VPS36: variants seen among roughly 807,000 people sequenced by gnomAD.
VPS36 encodes the protein vacuolar protein sorting 36 homolog, also known as vacuolar protein-sorting-associated protein 36.
VPS36 carries 31 observed loss-of-function variants against 63.5 expected under a neutral mutation model. The ratio of observed to expected loss-of-function variants is 0.49; its 90% CI spans 0.37 to 0.66. The LOEUF is 0.66. VPS36 is among the 30% of genes least tolerant of loss of function. The probability of loss-of-function intolerance (pLI) is 0.00; values close to 1 mark genes in which losing one functional copy is unlikely to be tolerated. For missense variants in VPS36, 338 were observed against 463.7 expected, an observed-to-expected ratio of 0.73 and a Z score of 2.49; for synonymous variants, 138 against 157.2, an observed-to-expected ratio of 0.88 and a Z score of 0.91.
chr13:52,443,885 CAAG>C (rs1958306801), intron 1 of VPS36, among the ~76,000 whole-genome samples: 1 of 152,042 alleles, frequency 6.6e-6, no homozygotes, highest in African/African-American at 2.4e-5. Context: ...CTGTTAAAAG[CAAG>C]ATATATATTG....
chr13:52,442,194 G>A (rs1958286998), intron 2 of VPS36, among the ~76,000 whole-genome samples, 183 bp downstream of exon 2: 1 of 152,178 alleles, frequency 6.6e-6, no homozygotes, highest in Admixed American at 6.5e-5. Flanking sequence ...AAAAGCTCCA[G>A]TTGATTTAAA....
intron 3 of VPS36, among the ~76,000 whole-genome samples, chr13:52,437,862 G>A (rs900398910): frequency 4.6e-5 from 7 of 151,902 alleles, no homozygotes; most frequent in African/African-American, 1.2e-4. Context: ...CCTGGGAGGC[G>A]GAGCTTGCAG....
chr13:52,428,865 A>T lies in VPS36; in HGVS notation c.529-1646T>A, dbSNP rs59071157. On this transcript the variant is annotated intron_variant, in intron 6 of 13. Transcript: ENST00000378060. The stretch of plus-strand genomic sequence containing the variant: ...CTGAGAGTCCACAAAGAATATGTAA[A>T]TAAGTCCTGTAAACTTATACATAGG... Among the ~76,000 whole-genome samples, 21 of 152,296 alleles carry T rather than the reference A, an allele frequency of 1.4e-4. No homozygotes were observed. In the East Asian group the frequency reaches 4.0e-3, roughly 29 times the overall value.
chr13:52,445,272 A>T (rs923170208), intron 1 of VPS36, among the ~76,000 whole-genome samples: 1 of 152,236 alleles, frequency 6.6e-6, no homozygotes, highest in Admixed American at 6.5e-5. Flanking sequence ...TAAGTTTACA[A>T]TATTTTTTAA....
At chr13:52,424,349 A>G (rs1226363487) in intron 9 of VPS36, among the ~76,000 whole-genome samples, 5 of 152,220 alleles carry the variant, frequency 3.3e-5, no homozygotes, top group Non-Finnish European at 7.3e-5. Flanking sequence ...GGCTGTTAAC[A>G]TCACAAAAAA....
chr13:52,443,678 G>A (rs1052619406), intron 1 of VPS36, among the ~76,000 whole-genome samples: 1 of 152,164 alleles, frequency 6.6e-6, no homozygotes, highest in African/African-American at 2.4e-5. Context: ...CATACTCTTT[G>A]AGTATGTATC....
At chr13:52,417,504 G>A (rs1958005048) in intron 11 of VPS36, among the ~76,000 whole-genome samples, 1 of 152,136 alleles carries the variant, frequency 6.6e-6, no homozygotes, top group Admixed American at 6.5e-5. Context: ...GGGATTACAG[G>A]CATGTGCCAC....
At chr13:52,428,804 G>C (rs1436982275) in intron 6 of VPS36, among the ~76,000 whole-genome samples, 1 of 152,000 alleles carries the variant, frequency 6.6e-6, no homozygotes, top group Non-Finnish European at 1.5e-5. Flanking sequence ...GTAAATCACT[G>C]TATTTATTAT....
At chr13:52,436,466 TTTTATAA>T in intron 3 of VPS36, 62 bp from the exon 4 acceptor site, 1 of 1,085,398 alleles carries the variant, frequency 9.2e-7, no homozygotes, top group Non-Finnish European at 1.4e-6. Flanking sequence ...CTAATTCTAC[TTTTATAA>T]CTTTTTATGT....
chr13:52,423,453 T>A (rs112874365), intron 10 of VPS36, 121 bp downstream of exon 10: 2 of 765,852 alleles, frequency 2.6e-6, no homozygotes, highest in African/African-American at 3.5e-5. Context: ...ATTCTTTCAC[T>A]GTACCACAGT....
At position 52,434,963 on chromosome 13, in the gene VPS36, CTTTTTTTCTT is replaced by C. The variant is rs199511193; in HGVS notation, c.352-91_352-82del. 1.4e-3 allele frequency: 1,500 copies of C among 1,050,640 alleles called. 11 individuals carry two copies. The African/African-American group carries it at 0.023, about 16-fold the overall frequency. The allele number at this position is 1,050,640 out of a possible 1,614,324, so 65.1% of individuals were successfully genotyped here. A position where few individuals can be genotyped will look rare whatever the true frequency, so the allele number is the denominator to read the frequency against. ...ATAAATCATTACTTAACATTTCTTT[CTTTTTTTCTT>C]TTTTTTTTTTTTTTTGAGGTGGAGT... is the stretch of plus-strand genomic sequence containing the variant. On this transcript the variant is annotated intron_variant, in intron 4 of 13. Coordinates refer to ENST00000378060, the MANE Select transcript of VPS36 (RefSeq NM_016075.4).
At position 52,413,632 on chromosome 13, in the gene VPS36, T is replaced by C. The variant is rs544671911; in HGVS notation, c.*2198A>G. 3.9e-5 allele frequency: 6 copies of C among 152,558 alleles called. No individual in the cohort carries two copies. Among genetic ancestry groups the C allele is most frequent in the African/African-American group, 1.4e-4 (6 of 41,560 alleles). The allele number at this position is 152,558 out of a possible 1,614,324, so 9.5% of individuals were successfully genotyped here. ...TTTTGACAGTAAATGACCAGAAATA[T>C]TGCATTACCATAAAGCTACAAAGAG... On this transcript the variant is annotated 3_prime_UTR_variant, in exon 14 of 14. Coordinates refer to ENST00000378060, the MANE Select transcript of VPS36 (RefSeq NM_016075.4).
At chr13:52,421,125 A>G (rs1958041498) in intron 10 of VPS36, among the ~76,000 whole-genome samples, 2 of 152,176 alleles carry the variant, frequency 1.3e-5, no homozygotes, top group African/African-American at 4.8e-5. Flanking sequence ...ATACAAAACA[A>G]AACAAAAATT....
intron 2 of VPS36, 84 bp from the exon 3 acceptor site, chr13:52,439,252 A>G (rs967351286): frequency 3.7e-6 from 4 of 1,091,314 alleles, no homozygotes; most frequent in Non-Finnish European, 5.4e-6. Flanking sequence ...ATAGCATTAC[A>G]GTGCCATATG....
chr13:52,418,089 C>T (rs1958009700), intron 10 of VPS36, 33 bp from the exon 11 acceptor site: 3 of 1,554,466 alleles, frequency 1.9e-6, no homozygotes, highest in Non-Finnish European at 2.6e-6. Flanking sequence ...TAATGCTATA[C>T]AATGGTAATG....
chr13:52,437,454 T>G (rs896604820), intron 3 of VPS36, among the ~76,000 whole-genome samples: 18 of 152,026 alleles, frequency 1.2e-4, no homozygotes, highest in African/African-American at 4.3e-4. Flanking sequence ...TCATAGTCTC[T>G]GAAACTAAAA....
chr13:52,416,119 A>G, intron 12 of VPS36, 26 bp from the exon 13 acceptor site: 1 of 1,607,710 alleles, frequency 6.2e-7, no homozygotes, highest in East Asian at 2.2e-5. Context: ...AGCAGAAAAA[A>G]AATGTAATTA....
intron 6 of VPS36, chr13:52,429,398 T>G (rs1958133908): frequency 1.8e-5 from 12 of 657,748 alleles, no homozygotes; most frequent in Non-Finnish European, 2.3e-5. Context: ...AGCCTTTGAC[T>G]TCCATATTCC....
At position 52,450,008 on chromosome 13, in the gene VPS36, A is replaced by C. The variant is rs559926902; in HGVS notation, c.96+491T>G. The C allele has an allele frequency of 2.7e-5, 27 of 986,196 alleles. No individual in the cohort carries two copies. The African/African-American group carries it at 4.4e-4, about 16-fold the overall frequency. The allele number at this position is 986,196 out of a possible 1,614,324, so 61.1% of individuals were successfully genotyped here. A position where few individuals can be genotyped will look rare whatever the true frequency, so the allele number is the denominator to read the frequency against. On this transcript the variant is annotated intron_variant, in intron 1 of 13. Transcript: ENST00000378060. ...TAATCCCTCCGACTGCATAAGGTCC[A>C]AGCTAAAGCTTCCGCTGGGGCACGG... is the stretch of plus-strand genomic sequence containing the variant.
Sources: allele counts gnomAD v4.1 joint callset (sites outside exome capture counted in the v4.1 genomes callset), GRCh38; gene constraint gnomAD v4.1.1; transcripts MANE v1.5; gene names NCBI Gene and HGNC (gene_info 2026-07-23, HGNC 2026-07-21).